Variants in ABCG2 observed in about 807,000 individuals in gnomAD.
ABCG2 encodes ATP binding cassette subfamily G member 2 (JR blood group).
ABCG2 carries 80 observed loss-of-function variants against 73.5 expected under a neutral mutation model. The ratio of observed to expected loss-of-function variants is 1.09; its 90% CI spans 0.91 to 1.31. The LOEUF (loss-of-function observed/expected upper bound fraction) is 1.31, where lower values mean the gene tolerates loss of function less well. ABCG2 is among the 50% of genes most tolerant of loss of function. ABCG2 has a pLI of 0.00. For missense variants in ABCG2, 796 were observed against 786.2 expected, an observed-to-expected ratio of 1.01 and a Z score of -0.15; for synonymous variants, 269 against 282.4, an observed-to-expected ratio of 0.95 and a Z score of 0.48.
rs1316818789 is a variant in ABCG2 at position 88,097,983 on chromosome 4, G to C, written c.1493-376C>G. On this transcript the variant is annotated intron_variant, in intron 12 of 15. Coordinates refer to ENST00000237612, the MANE Select transcript of ABCG2 (RefSeq NM_004827.3). ...TGTGTGCTGTAACTTTGTGAGTGAA[G>C]GGACTGGGACGATCGGGATGCCATG... is the stretch of plus-strand genomic sequence containing the variant. Among the ~76,000 whole-genome samples, 3 of 152,196 alleles carry C rather than the reference G, an allele frequency of 2.0e-5. No homozygotes were observed. In the East Asian group the frequency reaches 5.8e-4, roughly 29 times the overall value.
At chr4:88,108,597 T>G (rs1722915979) in intron 9 of ABCG2, among the ~76,000 whole-genome samples, 1 of 151,878 alleles carries the variant, frequency 6.6e-6, no homozygotes, top group African/African-American at 2.4e-5. Flanking sequence ...AGACAAAATA[T>G]CCTACCATAT....
rs755653762 is a variant in ABCG2 at position 88,097,626 on chromosome 4, A to T, written c.1493-19T>A. On this transcript the variant is annotated intron_variant, in intron 12 of 15. Coordinates refer to ENST00000237612, the MANE Select transcript of ABCG2 (RefSeq NM_004827.3). Reference sequence around the variant, plus strand: ...TTCAATCCTTAGTCAGAAAGAGAAGAAGTAGTTAACCCAACTGCCTAGGTC... The same window carrying T: ...TTCAATCCTTAGTCAGAAAGAGAAGTAGTAGTTAACCCAACTGCCTAGGTC... The T allele has an allele frequency of 1.8e-5, 29 of 1,612,802 alleles. No homozygotes were observed. The highest frequency in any genetic ancestry group is 4.4e-5 in the South Asian group (4 of 90,766).
intron 9 of ABCG2, among the ~76,000 whole-genome samples, chr4:88,112,737 A>T (rs991855488): frequency 1.3e-4 from 20 of 152,176 alleles, no homozygotes; most frequent in Admixed American, 5.9e-4. Flanking sequence ...CAAAAAAAAA[A>T]TTTTTCTACT....
chr4:88,110,430 C>T (rs1186805933), intron 9 of ABCG2, among the ~76,000 whole-genome samples: 5 of 152,056 alleles, frequency 3.3e-5, no homozygotes. Flanking sequence ...GTAGTCCCAG[C>T]TACTCGGGAG....
intron 2 of ABCG2, among the ~76,000 whole-genome samples, chr4:88,134,690 C>T (rs553209973): frequency 1.9e-4 from 29 of 152,302 alleles, no homozygotes; most frequent in Admixed American, 1.8e-3. Context: ...TAACCCAAAC[C>T]TCAACATGAA....
chr4:88,112,617 C>A (rs1330066646), intron 9 of ABCG2, among the ~76,000 whole-genome samples: 2 of 152,106 alleles, frequency 1.3e-5, no homozygotes, highest in South Asian at 4.2e-4. Flanking sequence ...GAATTCACAT[C>A]CCTAAAGCAC....
intron 1 of ABCG2, among the ~76,000 whole-genome samples, chr4:88,177,768 G>A (rs1029697995): frequency 6.6e-6 from 1 of 152,160 alleles, no homozygotes; most frequent in Non-Finnish European, 1.5e-5. Context: ...TGTGTTGGGG[G>A]AGGGAGAGCA....
chr4:88,133,224 A>T (rs1725024225), intron 2 of ABCG2, among the ~76,000 whole-genome samples: 1 of 152,196 alleles, frequency 6.6e-6, no homozygotes, highest in Non-Finnish European at 1.5e-5. Context: ...GTCAAATTCT[A>T]CACAATTAAT....
Position 88,105,386 on chromosome 4 carries a change from C to A in ABCG2, c.1277+1798G>T, listed in dbSNP as rs1722704834. On this transcript the variant is annotated intron_variant, in intron 10 of 15. Transcript: ENST00000237612. ...AACCTGAGACTATGGACAGCAAGCA[C>A]TACGGAGCACAGTATCTGCCACAAG... 1.3e-5 allele frequency among the ~76,000 whole-genome samples: 2 copies of A among 152,302 alleles called. 1 individual carries two copies. The highest frequency in any genetic ancestry group is 4.1e-4 in the South Asian group (2 of 4,826).
rs1434167247 is a variant in ABCG2, at chr4:88,090,292, A to C, written c.*1942T>G. The C allele has an allele frequency of 7.2e-5, 11 of 152,186 alleles. No homozygotes were observed. The highest frequency in any genetic ancestry group is 2.7e-4 in the African/African-American group (11 of 41,452). 9.4% of individuals were successfully genotyped at this position (152,186 alleles called of 1,614,324 possible). On this transcript the variant is annotated 3_prime_UTR_variant, in exon 16 of 16. Transcript: ENST00000237612. Reference sequence around the variant, plus strand: ...GATATAATTAAATTCTCATTTATTTAAAAAGTTAATAATTGTGGCTGTTTT... The same window carrying C: ...GATATAATTAAATTCTCATTTATTTCAAAAGTTAATAATTGTGGCTGTTTT...
intron 6 of ABCG2, among the ~76,000 whole-genome samples, chr4:88,120,930 A>G (rs1397171786): frequency 6.6e-6 from 1 of 152,190 alleles, no homozygotes; most frequent in African/African-American, 2.4e-5. Context: ...AATTGTAATA[A>G]CATTTGTAAT....
chr4:88,156,370 C>CAAAAAAA (rs56029010), intron 1 of ABCG2, among the ~76,000 whole-genome samples: 39 of 68,846 alleles, frequency 5.7e-4, no homozygotes, highest in Non-Finnish European at 7.1e-4. Context: ...GACTCCGTCT[C>CAAAAAAA]AAAAAAAAAA....
Position 88,090,658 on chromosome 4 carries a change from C to T in ABCG2, c.*1576G>A, listed in dbSNP as rs1421925796. The T allele has an allele frequency of 1.3e-5, 2 of 152,160 alleles. No individual in the cohort carries two copies. Among genetic ancestry groups the T allele is most frequent in the African/African-American group, 2.4e-5 (1 of 41,442 alleles). 9.4% of individuals were successfully genotyped at this position (152,160 alleles called of 1,614,324 possible). A position where few individuals can be genotyped will look rare whatever the true frequency, so the allele number is the denominator to read the frequency against. On this transcript the variant is annotated 3_prime_UTR_variant, in exon 16 of 16. Transcript: ENST00000237612. The stretch of plus-strand genomic sequence containing the variant: ...GACCAGTGTCAGGGCGTCTATACAC[C>T]ATGATGCCCCAGCTCAGTTAACTCC...
At chr4:88,153,377 G>A (rs1423675522) in intron 1 of ABCG2, among the ~76,000 whole-genome samples, 1 of 152,094 alleles carries the variant, frequency 6.6e-6, no homozygotes, top group Non-Finnish European at 1.5e-5. Flanking sequence ...CTATACAGGA[G>A]CTCAAATGGG....
chr4:88,123,413 T>C (rs1724149382), intron 5 of ABCG2, among the ~76,000 whole-genome samples: 1 of 151,512 alleles, frequency 6.6e-6, no homozygotes, highest in African/African-American at 2.4e-5. Context: ...CTAAGAACAC[T>C]GAAAAAAGGA....
intron 1 of ABCG2, among the ~76,000 whole-genome samples, chr4:88,192,445 G>A (rs1355680804): frequency 2.0e-5 from 3 of 151,476 alleles, no homozygotes; most frequent in South Asian, 2.1e-4. Context: ...ATGGAGTCTC[G>A]CTCCATCGCC....
chr4:88,153,867 A>T (rs1372376096), intron 1 of ABCG2, among the ~76,000 whole-genome samples: 1 of 152,070 alleles, frequency 6.6e-6, no homozygotes, highest in Non-Finnish European at 1.5e-5. Flanking sequence ...GGGGCATGAG[A>T]AATTCCTGAG....
At chr4:88,146,017 G>A (rs995488008) in intron 1 of ABCG2, among the ~76,000 whole-genome samples, 2 of 152,146 alleles carry the variant, frequency 1.3e-5, no homozygotes, top group East Asian at 3.9e-4. Context: ...GACTAGCGGG[G>A]AGGTAACTGC....
intron 1 of ABCG2, among the ~76,000 whole-genome samples, chr4:88,226,528 G>A (rs973367055): frequency 6.6e-6 from 1 of 152,240 alleles, no homozygotes; most frequent in Admixed American, 6.5e-5. Flanking sequence ...GAGATACTCT[G>A]TGTCCTGCAC....
Sources: allele counts gnomAD v4.1 joint callset (sites outside exome capture counted in the v4.1 genomes callset), GRCh38; gene constraint gnomAD v4.1.1; transcripts MANE v1.5; gene names NCBI Gene and HGNC (gene_info 2026-07-23, HGNC 2026-07-21).